Variants in THOC2 observed in about 807,000 individuals in gnomAD.
The protein encoded by THOC2 is THO complex subunit 2.
A neutral mutation model predicts 128.4 loss-of-function variants in THOC2; 10 were observed. That is an observed-to-expected ratio of 0.08 (90% CI 0.05 to 0.13). THOC2 has a LOEUF of 0.13. Among genes scored for constraint, THOC2 ranks in the 10% least tolerant of loss-of-function variants. THOC2 has a pLI of 1.00. For synonymous variants in THOC2, 393 were observed against 396.9 expected (o/e 0.99, Z 0.12); for missense variants, 535 against 1,155.7 (o/e 0.46, Z 7.79).
chrX:123,636,932 G>A (rs1015351509), intron 18 of THOC2, among the ~76,000 whole-genome samples: 7 of 112,159 alleles, frequency 6.2e-5, no homozygotes, highest in African/African-American at 2.3e-4. Context: ...AAGGCTCCAT[G>A]GGAATATAAA....
At chrX:123,665,263 A>T (rs912727343) in intron 12 of THOC2, among the ~76,000 whole-genome samples, 1 of 111,837 alleles carries the variant, frequency 8.9e-6, no homozygotes, top group Non-Finnish European at 1.9e-5. Flanking sequence ...ATATGTTCAG[A>T]TACACAAATA....
intron 3 of THOC2, 32 bp from the exon 4 acceptor site, chrX:123,703,537 C>A (rs1186388858): frequency 1.1e-6 from 1 of 941,927 alleles, no homozygotes; most frequent in Non-Finnish European, 1.5e-6. Flanking sequence ...CAATAAATAG[C>A]AAAAAAGCAC....
chrX:123,653,467 C>T (rs1342557687), intron 12 of THOC2, among the ~76,000 whole-genome samples: 1 of 111,413 alleles, frequency 9.0e-6, no homozygotes, highest in Admixed American at 9.5e-5. Flanking sequence ...AAACTATCAT[C>T]AGAATGAACA....
At chrX:123,701,991 A>G (rs1261911891) in intron 4 of THOC2, among the ~76,000 whole-genome samples, 1 of 112,251 alleles carries the variant, frequency 8.9e-6, no homozygotes, top group South Asian at 3.7e-4. Context: ...AACTTCCTGA[A>G]GGATCAAGCA....
In THOC2 at chrX:123,696,788, A is replaced by T. The variant is rs1471889320; in HGVS notation, c.400T>A (p.Ser134Thr). Residue 134 changes from serine to threonine, a missense_variant, in exon 6 of 39, where the codon TCA (serine) becomes ACA (threonine). This residue lies in a region of THOC2 where 10 missense variants were observed against 63.0 expected (regional missense o/e 0.16). Transcript: ENST00000245838. Reference protein sequence around the residue: ...KERLDPETLESLGLIKQSQQF... With the variant: ...KERLDPETLETLGLIKQSQQF... ...TGTGATTGTTTGATAAGCCCTAATG[A>T]TTCCAGTGTTTCTGGATCCAGGCGT... 1 of 1,201,460 alleles carries T rather than the reference A, an allele frequency of 8.3e-7. No individual in the cohort carries two copies. Among genetic ancestry groups the T allele is most frequent in the East Asian group, 3.0e-5 (1 of 33,597 alleles).
rs774877149 is a variant in THOC2, at chrX:123,703,890, TAAAAAAA to T, written c.223-392_223-386del. On this transcript the variant is annotated intron_variant, in intron 3 of 38. Transcript: ENST00000245838. The stretch of plus-strand genomic sequence containing the variant: ...TGGGCAACAGAGGAAACTCTGTCTT[TAAAAAAA>T]AAAAAAAAAAAAAAAATTGATTTCC... Among the ~76,000 whole-genome samples the T allele has an allele frequency of 5.4e-3, 199 of 37,024 alleles. 2 individuals carry two copies. Among genetic ancestry groups the T allele is most frequent in the African/African-American group, 0.028 (185 of 6,523 alleles). 32.2% of individuals were successfully genotyped at this position (37,024 alleles called of 115,157 possible).
At position 123,614,552 on chromosome X, in the gene THOC2, G is replaced by A. The variant is rs369574205; in HGVS notation, c.4312-363C>T. ...TTTCTCTACTGTTTAAAAAAAAAAA[G>A]AAAAAGAAAAAAACACCTCTACACA... On this transcript the variant is annotated intron_variant, in intron 33 of 38. Transcript: ENST00000245838. Among the ~76,000 whole-genome samples the A allele has an allele frequency of 9.9e-3, 1,046 of 105,682 alleles. 6 individuals carry two copies. The highest frequency in any genetic ancestry group is 0.024 in the Middle Eastern group (5 of 209). 91.8% of individuals were successfully genotyped at this position (105,682 alleles called of 115,157 possible).
chrX:123,666,155 CTG>C (rs756262849), intron 11 of THOC2, among the ~76,000 whole-genome samples: 49 of 112,074 alleles, frequency 4.4e-4, no homozygotes, highest in Admixed American at 4.2e-3. Flanking sequence ...CCATCTGAAT[CTG>C]TTTTTAAACT....
At chrX:123,603,380 C>T (rs967964843) in intron 38 of THOC2, 1 of 315,303 alleles carries the variant, frequency 3.2e-6, no homozygotes, top group East Asian at 5.5e-5. Flanking sequence ...GGCCTATCTA[C>T]GTCATTAAGG....
In THOC2 at chrX:123,733,012, G is replaced by A. The variant is rs2052346013; in HGVS notation, c.11C>T (p.Ala4Val). 8.3e-7 allele frequency: 1 copy of A among 1,211,590 alleles called. No individual in the cohort carries two copies. The highest frequency in any genetic ancestry group is 1.1e-6 in the Non-Finnish European group (1 of 895,281). MAA[A>V]AVVVPAEWIK... is the part of the protein sequence containing the mutation. ...CCACTCTGCGGGAACCACCACAGCCGCGGCCGCCATCTTCCTCTCACTAGT... is the reference window on the plus strand; with the variant it reads ...CCACTCTGCGGGAACCACCACAGCCACGGCCGCCATCTTCCTCTCACTAGT... Residue 4 changes from alanine (A) to valine (V), a missense_variant, in exon 1 of 39, where the codon GCG (alanine) becomes GTG (valine). Physicochemically the swap from Ala to Val is moderately conservative, Grantham distance 64. This residue lies in a region of THOC2 where 61 missense variants were observed against 84.3 expected (regional missense o/e 0.72). Transcript: ENST00000245838.
chrX:123,638,731 C>T (rs1474873263), intron 17 of THOC2, among the ~76,000 whole-genome samples: 2 of 103,042 alleles, frequency 1.9e-5, no homozygotes, highest in African/African-American at 7.5e-5. Flanking sequence ...CACACGTACA[C>T]ACACACACAC....
chrX:123,611,420 C>T lies in THOC2; in HGVS notation c.4754+20G>A. 1 of 1,156,670 alleles carries T rather than the reference C, an allele frequency of 8.6e-7. No individual in the cohort carries two copies. The highest frequency in any genetic ancestry group is 1.2e-6 in the Non-Finnish European group (1 of 850,020). ...AGCTTTCTACTACACTAACTGAAAA[C>T]ATCAAAATGAAAAGGATATTGTTTC... On this transcript the variant is annotated intron_variant, in intron 37 of 38. Coordinates refer to ENST00000245838, the MANE Select transcript of THOC2 (RefSeq NM_001081550.2).
intron 12 of THOC2, among the ~76,000 whole-genome samples, chrX:123,650,343 C>T (rs1678782957): frequency 1.8e-5 from 2 of 112,002 alleles, no homozygotes; most frequent in African/African-American, 3.2e-5. Flanking sequence ...AAACCAGCTA[C>T]TGCAAAAACC....
chrX:123,684,664 A>C (rs947264550), intron 8 of THOC2, among the ~76,000 whole-genome samples: 1 of 112,323 alleles, frequency 8.9e-6, no homozygotes, highest in Non-Finnish European at 1.9e-5. Flanking sequence ...CTGGGATTAC[A>C]GGCGTGAGCC....
rs377038841 is a variant in THOC2, at chrX:123,629,143, A to T, written c.2482-1175T>A. Among the ~76,000 whole-genome samples, 213 of 105,740 alleles carry T rather than the reference A, an allele frequency of 2.0e-3. 1 individual carries two copies. Among genetic ancestry groups the T allele is most frequent in the Non-Finnish European group, 2.7e-3 (142 of 51,819 alleles). 91.8% of individuals were successfully genotyped at this position (105,740 alleles called of 115,157 possible). The stretch of plus-strand genomic sequence containing the variant: ...TATATACACACACAAAAATATATAT[A>T]TTTTTTCTATATATTCTATATATAT... On this transcript the variant is annotated intron_variant, in intron 22 of 38. Coordinates refer to ENST00000245838, the MANE Select transcript of THOC2 (RefSeq NM_001081550.2).
intron 7 of THOC2, among the ~76,000 whole-genome samples, chrX:123,695,735 G>A (rs1314915440): frequency 9.0e-6 from 1 of 111,426 alleles, no homozygotes; most frequent in Non-Finnish European, 1.9e-5. Context: ...TCTTTTGAAA[G>A]TGTTGGCTTA....
intron 12 of THOC2, among the ~76,000 whole-genome samples, chrX:123,656,550 A>T (rs1219417212): frequency 9.0e-6 from 1 of 110,644 alleles, no homozygotes; most frequent in Admixed American, 9.6e-5. Flanking sequence ...CTCTACTAAA[A>T]ATATAAAAAA....
chrX:123,626,762 T>C (rs962519664), intron 23 of THOC2, 100 bp from the exon 24 acceptor site: 8 of 794,043 alleles, frequency 1.0e-5, no homozygotes, highest in African/African-American at 2.1e-5. Context: ...AGTTTATAAC[T>C]ACTTTAACAT....
rs2051683308 is a variant in THOC2 at position 123,721,274 on chromosome X, AC to A, written c.72-8367del. On this transcript the variant is annotated intron_variant, in intron 1 of 38. Coordinates refer to ENST00000245838, the MANE Select transcript of THOC2 (RefSeq NM_001081550.2). ...TGCAGCCTCCACCTCTCAGGCTCAAACAATCCTCCTGCCTCAGCATCCTGAG... is the reference window on the plus strand; with the variant it reads ...TGCAGCCTCCACCTCTCAGGCTCAAAAATCCTCCTGCCTCAGCATCCTGAG... 2.8e-5 allele frequency among the ~76,000 whole-genome samples: 3 copies of A among 108,856 alleles called. No individual in the cohort carries two copies. The Admixed American group carries it at 2.9e-4, about 11-fold the overall frequency. 94.5% of individuals were successfully genotyped at this position (108,856 alleles called of 115,157 possible).
Sources: gnomAD v4.1 joint callset for allele counts (sites outside exome capture counted in the v4.1 genomes callset) on GRCh38, gnomAD v4.1.1 for gene constraint, gnomAD v4.1.1 regional missense constraint, MANE v1.5 for transcripts, NCBI Gene and HGNC (gene_info 2026-07-23, HGNC 2026-07-21) for gene names.